The following EXT1 variants were observed in gnomAD, a reference collection of about 807,000 sequenced individuals.
The protein encoded by EXT1 is exostosin glycosyltransferase 1, also known as exostosin-1.
A neutral mutation model predicts 82.5 loss-of-function variants in EXT1; 20 were observed. The observed-to-expected ratio is 0.24, with a 90% CI of 0.17 to 0.35. EXT1 has a LOEUF of 0.35. Ranked by LOEUF, EXT1 falls within the 10% of genes least tolerant of loss-of-function variation. EXT1 has a pLI of 1.00. For missense variants in EXT1, 757 were observed against 936.5 expected, an observed-to-expected ratio of 0.81 and a Z score of 2.50; for synonymous variants, 348 against 350.8, an observed-to-expected ratio of 0.99 and a Z score of 0.09.
intron 1 of EXT1, among the ~76,000 whole-genome samples, chr8:117,925,367 A>AT: frequency 6.6e-6 from 1 of 151,954 alleles, no homozygotes; most frequent in South Asian, 2.1e-4. Context: ...CTCAAAAAAA[A>AT]AAAACAAACC....
chr8:117,992,050 T>C (rs1157086775), intron 1 of EXT1, among the ~76,000 whole-genome samples: 1 of 152,152 alleles, frequency 6.6e-6, no homozygotes, highest in Non-Finnish European at 1.5e-5. Context: ...ATGTTATTCC[T>C]GACCAGAAAG....
rs1312948082 is a variant in EXT1 at position 117,914,590 on chromosome 8, G to C, written c.963-77389C>G. ...CAAGGAATATTAATATTAATGCCCT[G>C]GGAAAGGAATGCATTCCTAGGGGGA... On this transcript the variant is annotated intron_variant, in intron 1 of 10. Coordinates refer to ENST00000378204, the MANE Select transcript of EXT1 (RefSeq NM_000127.3). Among the ~76,000 whole-genome samples, 3 of 152,050 alleles carry C rather than the reference G, an allele frequency of 2.0e-5. No homozygotes were observed. In the East Asian group the frequency reaches 5.8e-4, roughly 29 times the overall value.
At chr8:117,871,820 G>A (rs1401609404) in intron 1 of EXT1, among the ~76,000 whole-genome samples, 1 of 152,022 alleles carries the variant, frequency 6.6e-6, no homozygotes, top group Non-Finnish European at 1.5e-5. Flanking sequence ...GGTTGCCTGG[G>A]GCCAAGGAAT....
chr8:118,102,208 A>G (rs531008285), intron 1 of EXT1, among the ~76,000 whole-genome samples: 10 of 152,266 alleles, frequency 6.6e-5, no homozygotes, highest in African/African-American at 2.4e-4. Context: ...CGAAGGTTGC[A>G]GTGAGCCGAG....
chr8:118,005,051 T>A (rs1815745957), intron 1 of EXT1, among the ~76,000 whole-genome samples: 2 of 152,134 alleles, frequency 1.3e-5, no homozygotes, highest in Non-Finnish European at 2.9e-5. Flanking sequence ...GGAGACAAAG[T>A]CCTGAGACAA....
rs190623728 is a variant in EXT1 at position 117,877,748 on chromosome 8, G to T, written c.963-40547C>A. Among the ~76,000 whole-genome samples the T allele has an allele frequency of 1.4e-3, 214 of 152,210 alleles. 3 individuals are homozygous for T. Among genetic ancestry groups the T allele is most frequent in the African/African-American group, 4.7e-3 (197 of 41,534 alleles). On this transcript the variant is annotated intron_variant, in intron 1 of 10. Transcript: ENST00000378204. ...GAGAGGCTGTGAGTACAATATGGTG[G>T]TATATATGCTTCCTTTCTGACACAA...
At position 118,080,967 on chromosome 8, in the gene EXT1, G is replaced by T. The variant is rs79578276; in HGVS notation, c.962+29118C>A. Among the ~76,000 whole-genome samples the T allele has an allele frequency of 5.3e-5, 8 of 152,254 alleles. 1 individual carries two copies. The highest frequency in any genetic ancestry group is 1.4e-4 in the African/African-American group (6 of 41,550). ...ACCATTAACTCTTTTGGAGGGCTAGGGGGGAGGGTGGAGTCCTAAAATTCA... is the reference window on the plus strand; with the variant it reads ...ACCATTAACTCTTTTGGAGGGCTAGTGGGGAGGGTGGAGTCCTAAAATTCA... On this transcript the variant is annotated intron_variant, in intron 1 of 10. Transcript: ENST00000378204.
At chr8:118,029,418 C>G (rs1047033430) in intron 1 of EXT1, among the ~76,000 whole-genome samples, 1 of 152,142 alleles carries the variant, frequency 6.6e-6, no homozygotes, top group South Asian at 2.1e-4. Flanking sequence ...GAGACCTCAT[C>G]TCTTTATTAA....
At chr8:117,802,927 T>A (rs1226046613) in intron 10 of EXT1, among the ~76,000 whole-genome samples, 3 of 152,216 alleles carry the variant, frequency 2.0e-5, no homozygotes, top group Non-Finnish European at 2.9e-5. Flanking sequence ...AAATTCTTTA[T>A]AAACTTTAAA....
chr8:117,846,820 G>A (rs1475351708), intron 1 of EXT1, among the ~76,000 whole-genome samples: 3 of 152,164 alleles, frequency 2.0e-5, no homozygotes, highest in African/African-American at 4.8e-5. Flanking sequence ...TTCTAAGGGT[G>A]TCAGCTCCCC....
intron 1 of EXT1, among the ~76,000 whole-genome samples, chr8:117,862,714 A>G (rs887180873): frequency 2.1e-5 from 3 of 145,730 alleles, no homozygotes; most frequent in African/African-American, 7.3e-5. Flanking sequence ...ACCTGTGGCT[A>G]CAAATCATGA....
At chr8:117,810,317 A>T (rs1432901014) in intron 8 of EXT1, among the ~76,000 whole-genome samples, 1 of 152,226 alleles carries the variant, frequency 6.6e-6, no homozygotes, top group East Asian at 1.9e-4. Context: ...CTAAAAAAAG[A>T]GAAAAGAGAA....
intron 1 of EXT1, among the ~76,000 whole-genome samples, chr8:118,027,242 T>C (rs1027751681): frequency 7.9e-5 from 12 of 151,108 alleles, no homozygotes; most frequent in Non-Finnish European, 1.8e-4. Context: ...CATCAGAAAA[T>C]TAAGAAAGGA....
At chr8:118,047,650 T>C (rs936363739) in intron 1 of EXT1, among the ~76,000 whole-genome samples, 2 of 152,168 alleles carry the variant, frequency 1.3e-5, no homozygotes, top group Non-Finnish European at 2.9e-5. Flanking sequence ...GCCTTCAGGA[T>C]AGAGAAAACT....
At chr8:117,943,244 C>A (rs889736099) in intron 1 of EXT1, among the ~76,000 whole-genome samples, 3 of 152,130 alleles carry the variant, frequency 2.0e-5, no homozygotes, top group African/African-American at 7.2e-5. Context: ...TAGGGGTAAA[C>A]AGACACTACT....
intron 5 of EXT1, 97 bp from the exon 6 acceptor site, chr8:117,819,891 G>A: frequency 1.8e-6 from 2 of 1,117,916 alleles, no homozygotes; most frequent in Non-Finnish European, 2.7e-6. Flanking sequence ...TGGAGCAAAT[G>A]TTCCCTCCTG....
intron 1 of EXT1, among the ~76,000 whole-genome samples, chr8:117,903,499 T>C (rs1470008551): frequency 6.6e-6 from 1 of 152,028 alleles, no homozygotes; most frequent in Non-Finnish European, 1.5e-5. Context: ...AGATCACCCC[T>C]GAGTTAGAAT....
intron 1 of EXT1, among the ~76,000 whole-genome samples, chr8:118,087,777 T>C (rs1051431989): frequency 6.6e-6 from 1 of 152,154 alleles, no homozygotes; most frequent in Admixed American, 6.5e-5. Context: ...AAAGAGATTC[T>C]TTCTCCTATG....
intron 1 of EXT1, among the ~76,000 whole-genome samples, chr8:117,890,156 T>A (rs576993278): frequency 6.6e-6 from 1 of 152,322 alleles, no homozygotes; most frequent in Admixed American, 6.5e-5. Flanking sequence ...TTACATACAG[T>A]AGAGATTCAC....
Sources: gnomAD v4.1 joint callset for allele counts (sites outside exome capture counted in the v4.1 genomes callset) on GRCh38, gnomAD v4.1.1 for gene constraint, MANE v1.5 for transcripts, NCBI Gene and HGNC (gene_info 2026-07-23, HGNC 2026-07-21) for gene names.